CDH20: variants seen among roughly 807,000 people sequenced by gnomAD.
CDH20 encodes cadherin 20.
Under a neutral mutation model 74.2 loss-of-function variants are expected in CDH20, and 29 were observed. The ratio of observed to expected loss-of-function variants is 0.39; its 90% CI spans 0.29 to 0.53. The LOEUF is 0.53. Among genes scored for constraint, CDH20 ranks in the 20% least tolerant of loss-of-function variants. The pLI is 0.69. For synonymous variants in CDH20, 469 were observed against 405.4 expected (o/e 1.16, Z -1.88); for missense variants, 988 against 1,048.3 (o/e 0.94, Z 0.79).
intron 1 of CDH20, among the ~76,000 whole-genome samples, chr18:61,477,748 T>C (rs1031527339): frequency 2.0e-5 from 3 of 152,172 alleles, no homozygotes; most frequent in Admixed American, 1.3e-4. Flanking sequence ...AAAATTGTCT[T>C]CCAGAAAGCT....
At chr18:61,368,346 C>T (rs935168561) in intron 1 of CDH20, among the ~76,000 whole-genome samples, 5 of 140,864 alleles carry the variant, frequency 3.5e-5, no homozygotes, top group Non-Finnish European at 7.5e-5. Context: ...TATTTAATTT[C>T]AAGTGTTTAT....
chr18:61,459,211 T>C (rs1243634899), intron 1 of CDH20, among the ~76,000 whole-genome samples: 3 of 152,180 alleles, frequency 2.0e-5, no homozygotes, highest in African/African-American at 7.2e-5. Flanking sequence ...GCTAAGTACA[T>C]AGTAAGGACA....
intron 11 of CDH20, among the ~76,000 whole-genome samples, chr18:61,550,875 C>T (rs1172305412): frequency 6.6e-6 from 1 of 152,194 alleles, no homozygotes; most frequent in Non-Finnish European, 1.5e-5. Flanking sequence ...ACTGATAAGA[C>T]CTTTGAGCAG....
intron 1 of CDH20, among the ~76,000 whole-genome samples, chr18:61,418,459 C>A (rs762051425): frequency 2.1e-5 from 3 of 145,432 alleles, no homozygotes; most frequent in Non-Finnish European, 4.5e-5. Context: ...GAGGCTGAGG[C>A]AGGAGAATGG....
intron 1 of CDH20, among the ~76,000 whole-genome samples, chr18:61,467,704 C>A (rs998387941): frequency 2.6e-5 from 4 of 152,166 alleles, no homozygotes; most frequent in African/African-American, 9.7e-5. Context: ...ACACACGGGG[C>A]CTTCCTGTGG....
chr18:61,341,578 TCCC>T (rs1215596487), intron 1 of CDH20, among the ~76,000 whole-genome samples: 1 of 152,184 alleles, frequency 6.6e-6, no homozygotes, highest in Non-Finnish European at 1.5e-5. Flanking sequence ...ATCCCTTGAT[TCCC>T]TGCATCAAAG....
chr18:61,339,827 A>G (rs1909886038), intron 1 of CDH20, among the ~76,000 whole-genome samples: 1 of 151,620 alleles, frequency 6.6e-6, no homozygotes, highest in South Asian at 2.1e-4. Context: ...AGCTGGGACT[A>G]CAGGTGCCCG....
intron 1 of CDH20, among the ~76,000 whole-genome samples, chr18:61,451,469 A>C (rs935891391): frequency 2.6e-5 from 4 of 152,114 alleles, no homozygotes; most frequent in Non-Finnish European, 2.9e-5. Context: ...ATCTCTTCCC[A>C]ATTCCACACT....
chr18:61,455,891 T>C (rs1909556459), intron 1 of CDH20, among the ~76,000 whole-genome samples: 1 of 152,240 alleles, frequency 6.6e-6, no homozygotes, highest in African/African-American at 2.4e-5. Flanking sequence ...AATTAATATT[T>C]GTTATCTAAA....
At position 61,523,917 on chromosome 18, in the gene CDH20, C is replaced by G. The variant is rs531287988; in HGVS notation, c.1018-4050C>G. ...TCACGCACCAGGGCCTGTCAGGGGTCGGGGGCTAGGGGAGGGATAGCATTA... is the reference window on the plus strand; with the variant it reads ...TCACGCACCAGGGCCTGTCAGGGGTGGGGGGCTAGGGGAGGGATAGCATTA... On this transcript the variant is annotated intron_variant, in intron 6 of 11. Transcript: ENST00000262717. Among the ~76,000 whole-genome samples the G allele has an allele frequency of 1.3e-4, 19 of 151,946 alleles. No individual in the cohort carries two copies. The South Asian group carries it at 1.5e-3, about 12-fold the overall frequency.
rs377387492 is a variant in CDH20, at chr18:61,464,733, C to T, written c.-152-25669C>T. Among the ~76,000 whole-genome samples the T allele has an allele frequency of 2.0e-5, 3 of 152,274 alleles. No individual in the cohort carries two copies. The East Asian group carries it at 5.8e-4, about 29-fold the overall frequency. On this transcript the variant is annotated intron_variant, in intron 1 of 11. Coordinates refer to ENST00000262717, the MANE Select transcript of CDH20 (RefSeq NM_031891.4). ...ACAGGGGACTGAAAGCAACCACACC[C>T]ATTTATCAATATCTAGGACTAGGAG... is the stretch of plus-strand genomic sequence containing the variant.
Position 61,555,059 on chromosome 18 carries a change from A to T in CDH20, c.*364A>T. The T allele has an allele frequency of 5.5e-6, 6 of 1,082,358 alleles. No homozygotes were observed. Among genetic ancestry groups the T allele is most frequent in the East Asian group, 5.9e-5 (1 of 16,834 alleles). The allele number at this position is 1,082,358 out of a possible 1,614,324, so 67.0% of individuals were successfully genotyped here. A position where few individuals can be genotyped will look rare whatever the true frequency, so the allele number is the denominator to read the frequency against. ...AAAGGCTCTGGCCTTGGATACAGAG[A>T]TGCCAATTGAAAGCAGAAAGTTCTA... On this transcript the variant is annotated 3_prime_UTR_variant, in exon 12 of 12. Coordinates refer to ENST00000262717, the MANE Select transcript of CDH20 (RefSeq NM_031891.4).
chr18:61,396,801 C>T (rs61265784), intron 1 of CDH20, among the ~76,000 whole-genome samples: 1 of 152,238 alleles, frequency 6.6e-6, no homozygotes, highest in African/African-American at 2.4e-5. Flanking sequence ...CCCCAGCAAA[C>T]AGCAACTCTG....
intron 1 of CDH20, among the ~76,000 whole-genome samples, chr18:61,476,561 A>G (rs988621378): frequency 2.0e-5 from 3 of 152,220 alleles, no homozygotes; most frequent in Non-Finnish European, 4.4e-5. Context: ...TAGTGCCAAA[A>G]TGATCCAGTA....
At position 61,555,229 on chromosome 18, in the gene CDH20, C is replaced by T. The variant is rs1000406015; in HGVS notation, c.*534C>T. 7.6e-5 allele frequency: 74 copies of T among 970,068 alleles called. No individual in the cohort carries two copies. Among genetic ancestry groups the T allele is most frequent in the Non-Finnish European group, 8.5e-5 (70 of 828,146 alleles). The allele number at this position is 970,068 out of a possible 1,614,324, so 60.1% of individuals were successfully genotyped here. On this transcript the variant is annotated 3_prime_UTR_variant, in exon 12 of 12. Coordinates refer to ENST00000262717, the MANE Select transcript of CDH20 (RefSeq NM_031891.4). ...TTGTTCTGGGATGGATGGAATTTCC[C>T]GTAACCCTTTTGAGACAAGGTTAAG...
chr18:61,491,177 G>T lies in CDH20; in HGVS notation c.246+378G>T, dbSNP rs1267688417. ...GAGTTTTTTGCTTTGTGTTTTTGTG[G>T]GGTTTTTTTCAGAGCATTTCCAGAG... On this transcript the variant is annotated intron_variant, in intron 2 of 11. Coordinates refer to ENST00000262717, the MANE Select transcript of CDH20 (RefSeq NM_031891.4). 2.0e-5 allele frequency among the ~76,000 whole-genome samples: 3 copies of T among 152,034 alleles called. No homozygotes were observed. In the East Asian group the frequency reaches 5.8e-4, roughly 29 times the overall value.
intron 1 of CDH20, among the ~76,000 whole-genome samples, chr18:61,335,877 A>G (rs1221134663): frequency 6.6e-6 from 1 of 152,258 alleles, no homozygotes; most frequent in Non-Finnish European, 1.5e-5. Flanking sequence ...AAACATAAAA[A>G]TGACTTAGCA....
At chr18:61,345,148 G>T (rs1910073514) in intron 1 of CDH20, among the ~76,000 whole-genome samples, 1 of 152,164 alleles carries the variant, frequency 6.6e-6, no homozygotes, top group South Asian at 2.1e-4. Flanking sequence ...GGACAATATT[G>T]AGCAAAAGAT....
intron 1 of CDH20, among the ~76,000 whole-genome samples, chr18:61,451,989 TACC>T (rs1909403613): frequency 2.0e-5 from 3 of 152,170 alleles, no homozygotes; most frequent in African/African-American, 7.2e-5. Flanking sequence ...GTGGTCTTAG[TACC>T]ACAATGATTC....
Sources: allele counts gnomAD v4.1 joint callset (sites outside exome capture counted in the v4.1 genomes callset), GRCh38; gene constraint gnomAD v4.1.1; transcripts MANE v1.5; gene names NCBI Gene and HGNC (gene_info 2026-07-23, HGNC 2026-07-21).